The following PPHLN1 variants were observed in gnomAD, a reference collection of about 807,000 sequenced individuals.
PPHLN1 encodes the protein periphilin-1.
A neutral mutation model predicts 51.3 loss-of-function variants in PPHLN1; 29 were observed. That is an observed-to-expected ratio of 0.57 (90% confidence interval 0.42 to 0.77). PPHLN1 has a LOEUF of 0.77. Among genes scored for constraint, PPHLN1 ranks in the 30% least tolerant of loss-of-function variants. PPHLN1 has a pLI of 0.00. For synonymous variants in PPHLN1, 147 were observed against 147.8 expected (o/e 0.99, Z 0.04); for missense variants, 436 against 438.4 (o/e 0.99, Z 0.05).
intron 9 of PPHLN1, among the ~76,000 whole-genome samples, chr12:42,412,217 AAAG>A (rs1206408301): frequency 1.3e-5 from 2 of 152,042 alleles, no homozygotes; most frequent in Non-Finnish European, 2.9e-5. Context: ...AAAAATAAAA[AAAG>A]AAGTAGTTTT....
intron 9 of PPHLN1, among the ~76,000 whole-genome samples, chr12:42,408,463 T>C (rs779751651): frequency 1.1e-4 from 16 of 151,798 alleles, no homozygotes; most frequent in Admixed American, 3.9e-4. Context: ...GCATCCACAC[T>C]ATGGAATTTT....
At position 42,433,558 on chromosome 12, in the gene PPHLN1, C is replaced by T. The variant is rs551503078; in HGVS notation, c.910-7757C>T. ...CAGGATGGTCTCGATCTCCTGACCT[C>T]GTGATCCACCTGCCTCAGCCTCCCA... On this transcript the variant is annotated intron_variant, in intron 9 of 9. Transcript: ENST00000358314. Among the ~76,000 whole-genome samples, 46 of 152,292 alleles carry T rather than the reference C, an allele frequency of 3.0e-4. No homozygotes were observed. The South Asian group carries it at 8.9e-3, about 30-fold the overall frequency.
rs145098420 is a variant in PPHLN1 at position 42,355,196 on chromosome 12, T to C, written c.273T>C (p.His91=). ...ESGYRWTRDD[H]SASRQPEYRD... ...GTTATAGATGGACAAGAGACGATCA[T>C]TCTGCAAGCAGGCAACCTGAATACA... The change falls in exon 4 of 10, where the codon CAT becomes CAC. Residue 91 remains histidine (H), a synonymous_variant. Transcript: ENST00000358314. 5 of 1,613,664 alleles carry C rather than the reference T, an allele frequency of 3.1e-6. No individual in the cohort carries two copies. The African/African-American group carries it at 5.3e-5, about 17-fold the overall frequency.
At position 42,369,141 on chromosome 12, in the gene PPHLN1, T is replaced by C. The variant is rs368119014; in HGVS notation, c.300-5722T>C. 7.9e-3 allele frequency among the ~76,000 whole-genome samples: 1,205 copies of C among 152,336 alleles called. 7 individuals are homozygous for C. Among genetic ancestry groups the C allele is most frequent in the Middle Eastern group, 0.017 (5 of 294 alleles). ...TTGAGAAGATGTGATGGAGACCATA[T>C]AGCCACAGTGCCTAAAATATTATTT... is the stretch of plus-strand genomic sequence containing the variant. On this transcript the variant is annotated intron_variant, in intron 4 of 9. Transcript: ENST00000358314.
At chr12:42,378,090 C>CTCTTTCTTTCTT (rs57255344) in intron 5 of PPHLN1, among the ~76,000 whole-genome samples, 11 of 140,916 alleles carry the variant, frequency 7.8e-5, no homozygotes, top group Non-Finnish European at 1.2e-4. Context: ...ATCTATCTTT[C>CTCTTTCTTTCTT]TCTTTCTTTC....
chr12:42,436,264 TAC>T (rs1192217651), intron 9 of PPHLN1, among the ~76,000 whole-genome samples: 16 of 147,202 alleles, frequency 1.1e-4, no homozygotes, highest in African/African-American at 3.1e-4. Context: ...ACTTGGCTCT[TAC>T]ATTGTCTTAA....
Position 42,442,020 on chromosome 12 carries a change from A to G in PPHLN1, c.*511A>G. 1.1e-6 allele frequency: 1 copy of G among 945,468 alleles called. No homozygotes were observed. The highest frequency in any genetic ancestry group is 1.3e-6 in the Non-Finnish European group (1 of 793,472). The allele number at this position is 945,468 out of a possible 1,614,324, so 58.6% of individuals were successfully genotyped here. On this transcript the variant is annotated 3_prime_UTR_variant, in exon 10 of 10. Coordinates refer to ENST00000358314, the MANE Select transcript of PPHLN1 (RefSeq NM_201439.2). ...AAAATAGAGCACTTAAATCTCTGAG[A>G]GATACCTCAGAAAAAAATCCGTTTT... is the stretch of plus-strand genomic sequence containing the variant.
At chr12:42,359,114 G>A (rs1199510013) in intron 4 of PPHLN1, 1 of 152,062 alleles carries the variant, frequency 6.6e-6, no homozygotes, top group Non-Finnish European at 1.5e-5. Context: ...CTGACATACT[G>A]TATTCTAATT....
rs1055609950 is a variant in PPHLN1 at position 42,375,323 on chromosome 12, T to TTG, written c.511+250_511+251insGT. 3.2e-5 allele frequency: 10 copies of TTG among 314,714 alleles called. No homozygotes were observed. The Admixed American group carries it at 3.2e-4, about 10-fold the overall frequency. 19.5% of individuals were successfully genotyped at this position (314,714 alleles called of 1,614,324 possible). ...TCTTCAGCATGTAAAAGGTTTTTTT[T>TTG]TTTTTTTTTTCAGAGTCTCGCTCTG... is the stretch of plus-strand genomic sequence containing the variant. On this transcript the variant is annotated intron_variant, in intron 5 of 9. Coordinates refer to ENST00000358314, the MANE Select transcript of PPHLN1 (RefSeq NM_201439.2).
chr12:42,380,668 G>A (rs927470805), intron 5 of PPHLN1, among the ~76,000 whole-genome samples: 3 of 152,072 alleles, frequency 2.0e-5, no homozygotes, highest in African/African-American at 4.8e-5. Context: ...TAATGTAGCC[G>A]AAATTCTGAT....
intron 4 of PPHLN1, among the ~76,000 whole-genome samples, chr12:42,371,211 T>C (rs1282432691): frequency 7.3e-6 from 1 of 137,274 alleles, no homozygotes. Flanking sequence ...GCCTCTCCTG[T>C]GGGGCTCAAG....
At chr12:42,401,940 C>G (rs1293884288) in intron 9 of PPHLN1, among the ~76,000 whole-genome samples, 1 of 152,036 alleles carries the variant, frequency 6.6e-6, no homozygotes, top group Non-Finnish European at 1.5e-5. Flanking sequence ...CTGCAGCCAC[C>G]ACCCCCCAGG....
chr12:42,377,545 C>G (rs2076378531), intron 5 of PPHLN1, among the ~76,000 whole-genome samples: 1 of 152,062 alleles, frequency 6.6e-6, no homozygotes, highest in Non-Finnish European at 1.5e-5. Flanking sequence ...TTCAAGTGAT[C>G]CACCTGCCTC....
chr12:42,370,680 T>G (rs1280923671), intron 4 of PPHLN1, among the ~76,000 whole-genome samples: 1 of 152,206 alleles, frequency 6.6e-6, no homozygotes, highest in Non-Finnish European at 1.5e-5. Flanking sequence ...CAAAATACCA[T>G]TCCTTCCCAT....
intron 9 of PPHLN1, among the ~76,000 whole-genome samples, chr12:42,425,743 T>C (rs1018808379): frequency 6.6e-6 from 1 of 152,192 alleles, no homozygotes; most frequent in African/African-American, 2.4e-5. Context: ...GCATCATGGG[T>C]AACAAAAAAC....
intron 9 of PPHLN1, among the ~76,000 whole-genome samples, chr12:42,437,929 A>C (rs1333111288): frequency 6.6e-6 from 1 of 152,158 alleles, no homozygotes; most frequent in Non-Finnish European, 1.5e-5. Flanking sequence ...AATGTCATAT[A>C]GTTGGTATCA....
chr12:42,442,605 C>T (rs1329320687), downstream of PPHLN1: 3 of 1,612,846 alleles, frequency 1.9e-6, no homozygotes. Flanking sequence ...AAAATACCTG[C>T]GTCTGAATAC....
chr12:42,326,922 C>A (rs902003342), intron 1 of PPHLN1, among the ~76,000 whole-genome samples: 1 of 152,208 alleles, frequency 6.6e-6, no homozygotes, highest in African/African-American at 2.4e-5. Context: ...TCTCCTGGAG[C>A]CTGCACAATC....
intron 9 of PPHLN1, among the ~76,000 whole-genome samples, chr12:42,420,704 C>T (rs201079755): frequency 9.1e-5 from 10 of 110,348 alleles, no homozygotes; most frequent in East Asian, 8.9e-4. Flanking sequence ...CCCCTCCCTC[C>T]CTCTCTCTCT....
Sources: allele counts gnomAD v4.1 joint callset (sites outside exome capture counted in the v4.1 genomes callset), GRCh38; gene constraint gnomAD v4.1.1; transcripts MANE v1.5; gene names NCBI Gene and HGNC (gene_info 2026-07-23, HGNC 2026-07-21).